Variants in GTPBP10 observed in about 807,000 individuals in gnomAD.
GTPBP10 encodes the protein GTP-binding protein 10.
A neutral mutation model predicts 44.8 loss-of-function variants in GTPBP10; 38 were observed. The ratio of observed to expected loss-of-function variants is 0.85; its 90% CI spans 0.65 to 1.11. GTPBP10 has a LOEUF of 1.11. GTPBP10 is among the 50% of genes most tolerant of loss of function. The probability of loss-of-function intolerance (pLI) is 0.00; values close to 1 mark genes in which losing one functional copy is unlikely to be tolerated. For synonymous variants in GTPBP10, 152 were observed against 150.6 expected, an observed-to-expected ratio of 1.01 and a Z score of -0.07; for missense variants, 462 against 453.7, an observed-to-expected ratio of 1.02 and a Z score of -0.17.
intron 4 of GTPBP10, chr7:90,371,324 GAA>G: frequency 1.0e-5 from 2 of 200,494 alleles, no homozygotes; most frequent in Non-Finnish European, 8.9e-6. Context: ...CTTCACCATT[GAA>G]AAGTGTTCAC....
intron 1 of GTPBP10, among the ~76,000 whole-genome samples, chr7:90,351,091 C>A (rs183372482): frequency 1.3e-5 from 2 of 152,302 alleles, no homozygotes; most frequent in Admixed American, 1.3e-4. Context: ...CAACTTGGGA[C>A]ACTTGAGATC....
intron 6 of GTPBP10, among the ~76,000 whole-genome samples, chr7:90,377,183 C>T (rs1327050171): frequency 6.6e-6 from 1 of 152,094 alleles, no homozygotes. Flanking sequence ...ATGGTCACAC[C>T]ACTGCACTCC....
At position 90,388,767 on chromosome 7, in the gene GTPBP10, C is replaced by T. The variant is rs538794536; in HGVS notation, c.*3613C>T. 3 of 152,072 alleles carry T rather than the reference C, an allele frequency of 2.0e-5. No homozygotes were observed. Among genetic ancestry groups the T allele is most frequent in the Non-Finnish European group, 2.9e-5 (2 of 67,974 alleles). The allele number at this position is 152,072 out of a possible 1,614,324, so 9.4% of individuals were successfully genotyped here. A position where few individuals can be genotyped will look rare whatever the true frequency, so the allele number is the denominator to read the frequency against. On this transcript the variant is annotated 3_prime_UTR_variant, in exon 10 of 10. Coordinates refer to ENST00000222511, the MANE Select transcript of GTPBP10 (RefSeq NM_033107.4). ...TTTGCAAGGATGAAGGTTAGAGATTCCTTTCAGTAGTTAATGAAAGCTACA... is the reference window on the plus strand; with the variant it reads ...TTTGCAAGGATGAAGGTTAGAGATTTCTTTCAGTAGTTAATGAAAGCTACA...
At chr7:90,380,692 A>G (rs547950955) in intron 8 of GTPBP10, among the ~76,000 whole-genome samples, 2 of 152,336 alleles carry the variant, frequency 1.3e-5, no homozygotes, top group East Asian at 1.9e-4. Context: ...ATTTTCAAAT[A>G]TATAATACAT....
chr7:90,375,214 T>A (rs1458155211), intron 6 of GTPBP10, among the ~76,000 whole-genome samples: 1 of 151,452 alleles, frequency 6.6e-6, no homozygotes, highest in Non-Finnish European at 1.5e-5. Context: ...AAAAAATGAA[T>A]GATTTCCAGG....
intron 8 of GTPBP10, among the ~76,000 whole-genome samples, chr7:90,379,851 C>T (rs1796403956): frequency 6.6e-6 from 1 of 152,066 alleles, no homozygotes; most frequent in Admixed American, 6.5e-5. Flanking sequence ...GTCGTTTTTA[C>T]TTTAGTCATC....
rs1231607265 is a variant in GTPBP10 at position 90,391,379 on chromosome 7, A to G, written c.*6225A>G. The G allele has an allele frequency of 6.6e-6, 1 of 152,200 alleles. No individual in the cohort carries two copies. Among genetic ancestry groups the G allele is most frequent in the African/African-American group, 2.4e-5 (1 of 41,446 alleles). The allele number at this position is 152,200 out of a possible 1,614,324, so 9.4% of individuals were successfully genotyped here. A position where few individuals can be genotyped will look rare whatever the true frequency, so the allele number is the denominator to read the frequency against. On this transcript the variant is annotated 3_prime_UTR_variant, in exon 10 of 10. Coordinates refer to ENST00000222511, the MANE Select transcript of GTPBP10 (RefSeq NM_033107.4). ...TACACAGCTATGATAAAGTTCATAA[A>G]TTAGGCACAGTAAGAGATTAAAAAT...
intron 4 of GTPBP10, among the ~76,000 whole-genome samples, chr7:90,364,341 T>C (rs1444089747): frequency 1.3e-5 from 2 of 152,224 alleles, no homozygotes; most frequent in African/African-American, 2.4e-5. Context: ...TGTTTGTTAG[T>C]TTTCCTTCTA....
intron 9 of GTPBP10, chr7:90,383,698 G>A (rs1388683243): frequency 1.3e-5 from 2 of 152,114 alleles, no homozygotes; most frequent in Admixed American, 1.3e-4. Flanking sequence ...ATTGACATTT[G>A]CAGAACACCT....
intron 4 of GTPBP10, among the ~76,000 whole-genome samples, chr7:90,366,563 A>T (rs879038209): frequency 2.0e-5 from 3 of 151,962 alleles, no homozygotes; most frequent in African/African-American, 7.2e-5. Context: ...GTTTATTTGC[A>T]TAGAATTGTT....
intron 4 of GTPBP10, among the ~76,000 whole-genome samples, chr7:90,368,779 G>T (rs1796189648): frequency 6.6e-6 from 1 of 152,180 alleles, no homozygotes; most frequent in Non-Finnish European, 1.5e-5. Flanking sequence ...CCAACCTTCT[G>T]AAGTCTACTT....
rs867883981 is a variant in GTPBP10 at position 90,352,990 on chromosome 7, G to A, written c.208G>A (p.Gly70Arg). The A allele has an allele frequency of 1.9e-6, 3 of 1,594,992 alleles. No homozygotes were observed. Among genetic ancestry groups the A allele is most frequent in the South Asian group, 2.3e-5 (2 of 88,084 alleles). Reference protein sequence around the residue: ...DRYPRKRFVAGVGANSKISAL... With the variant: ...DRYPRKRFVARVGANSKISAL... ...GTATCCTCGGAAACGGTTTGTGGCT[G>A]GAGTAGGAGCAAACAGCAAGTAAGT... is the stretch of plus-strand genomic sequence containing the variant. The change falls in exon 2 of 10, where the codon GGA (glycine) becomes AGA (arginine). Residue 70 changes from glycine to arginine, a missense_variant. Coordinates refer to ENST00000222511, the MANE Select transcript of GTPBP10 (RefSeq NM_033107.4).
rs552235424 is a variant in GTPBP10, at chr7:90,381,694, C to T, written c.778-1262C>T. Among the ~76,000 whole-genome samples the T allele has an allele frequency of 7.9e-5, 12 of 152,266 alleles. No homozygotes were observed. The South Asian group carries it at 1.9e-3, about 24-fold the overall frequency. ...TACAAAGCTATCATAATCAAAACAG[C>T]GTGGTACTGGCATAACAGTAGACAC... On this transcript the variant is annotated intron_variant, in intron 8 of 9. Transcript: ENST00000222511.
rs1796559478 is a variant in GTPBP10 at position 90,388,241 on chromosome 7, G to C, written c.*3087G>C. The C allele has an allele frequency of 6.6e-6, 1 of 152,088 alleles. No individual in the cohort carries two copies. The highest frequency in any genetic ancestry group is 2.4e-5 in the African/African-American group (1 of 41,414). 9.4% of individuals were successfully genotyped at this position (152,088 alleles called of 1,614,324 possible). A position where few individuals can be genotyped will look rare whatever the true frequency, so the allele number is the denominator to read the frequency against. ...GAAACAAAGACTTATTTTGAAGTAA[G>C]TCTTTTAACATTATCTCAGATGCAT... On this transcript the variant is annotated 3_prime_UTR_variant, in exon 10 of 10. Coordinates refer to ENST00000222511, the MANE Select transcript of GTPBP10 (RefSeq NM_033107.4).
rs373346877 is a variant in GTPBP10 at position 90,366,414 on chromosome 7, T to C, written c.465-5741T>C. On this transcript the variant is annotated intron_variant, in intron 4 of 9. Transcript: ENST00000222511. Reference sequence around the variant, plus strand: ...TGTGAATCCACCTCGTCCTGGACTTTTTTTGGTTGGTAAGCAATTAATTAT... The same window carrying C: ...TGTGAATCCACCTCGTCCTGGACTTCTTTTGGTTGGTAAGCAATTAATTAT... Among the ~76,000 whole-genome samples the C allele has an allele frequency of 1.8e-4, 27 of 152,282 alleles. No homozygotes were observed. In the East Asian group the frequency reaches 2.1e-3, roughly 12 times the overall value.
At position 90,377,511 on chromosome 7, in the gene GTPBP10, C is replaced by A; in HGVS notation, c.596C>A (p.Ser199Ter). The change falls in exon 7 of 10, where the codon TCA (serine) becomes TAA (stop). Residue 199 changes from serine to a stop codon, truncating the protein, a stop_gained. Transcript: ENST00000222511. LOFTEE classifies it high-confidence loss of function. Reference sequence around the variant, plus strand: ...AACCATTTAACTTTGTATTAGATATCAGTAGCTGATCTTCCGGGTTTAATA... The same window carrying A: ...AACCATTTAACTTTGTATTAGATATAAGTAGCTGATCTTCCGGGTTTAATA... Reference protein sequence around the residue: ...KIMYSDFKQISVADLPGLIEG... With the variant: ...KIMYSDFKQI The A allele has an allele frequency of 1.3e-6, 2 of 1,597,876 alleles. No homozygotes were observed. Among genetic ancestry groups the A allele is most frequent in the South Asian group, 1.1e-5 (1 of 87,932 alleles).
At chr7:90,362,793 C>A (rs1796051990) in intron 4 of GTPBP10, among the ~76,000 whole-genome samples, 1 of 152,156 alleles carries the variant, frequency 6.6e-6, no homozygotes, top group South Asian at 2.1e-4. Context: ...TCTCTAAGGA[C>A]TTGCTTTATG....
At chr7:90,347,090 A>G (rs1340781603) in intron 1 of GTPBP10, among the ~76,000 whole-genome samples, 1 of 151,792 alleles carries the variant, frequency 6.6e-6, no homozygotes, top group Non-Finnish European at 1.5e-5. Flanking sequence ...TTTTTCCTTT[A>G]ATGTCCACAG....
chr7:90,355,021 A>G, intron 3 of GTPBP10, 65 bp from the exon 4 acceptor site: 1 of 1,005,030 alleles, frequency 9.9e-7, no homozygotes. Flanking sequence ...TCTGAAAGAA[A>G]TATATTGCAT....
Sources: gnomAD v4.1 joint callset for allele counts (sites outside exome capture counted in the v4.1 genomes callset) on GRCh38, gnomAD v4.1.1 for gene constraint, MANE v1.5 for transcripts, NCBI Gene and HGNC (gene_info 2026-07-23, HGNC 2026-07-21) for gene names.